CFAP54: variants seen among roughly 807,000 people sequenced by gnomAD.
The protein encoded by CFAP54 is cilia- and flagella-associated protein 54.
In CFAP54, 290 loss-of-function variants were observed where a neutral mutation model predicts 370.4. The ratio of observed to expected loss-of-function variants is 0.78; its 90% CI spans 0.71 to 0.86. CFAP54 has a LOEUF of 0.86. CFAP54 is among the 40% of genes least tolerant of loss of function. CFAP54 has a pLI of 0.00. For missense variants in CFAP54, 3,399 were observed against 3,528.7 expected, an observed-to-expected ratio of 0.96 and a Z score of 0.93; for synonymous variants, 1,206 against 1,236.5, an observed-to-expected ratio of 0.98 and a Z score of 0.52.
At chr12:96,858,397 T>C (rs1959774564) in intron 66 of CFAP54, among the ~76,000 whole-genome samples, 1 of 152,214 alleles carries the variant, frequency 6.6e-6, no homozygotes, top group Non-Finnish European at 1.5e-5. Flanking sequence ...ATATTAGAGA[T>C]TCATCAGATG....
At chr12:96,748,501 T>C (rs1958144493) in intron 55 of CFAP54, among the ~76,000 whole-genome samples, 1 of 152,204 alleles carries the variant, frequency 6.6e-6, no homozygotes, top group African/African-American at 2.4e-5. Context: ...AGGTTGTTGA[T>C]TGAATCCTTT....
At chr12:96,672,012 T>A (rs1266803249) in intron 39 of CFAP54, among the ~76,000 whole-genome samples, 1 of 149,906 alleles carries the variant, frequency 6.7e-6, no homozygotes, top group African/African-American at 2.5e-5. Flanking sequence ...AAGAAAGAAA[T>A]TGAATAGAGA....
At position 96,513,894 on chromosome 12, in the gene CFAP54, C is replaced by G. The variant is rs80128357; in HGVS notation, c.798+850C>G. On this transcript the variant is annotated intron_variant, in intron 5 of 67. Coordinates refer to ENST00000524981, the MANE Select transcript of CFAP54 (RefSeq NM_001306084.2). ...TGCATGCTAATCGGGTGAATGCACA[C>G]TTAAACTCTAACCCAGTTGCATGAC... 6.3e-3 allele frequency among the ~76,000 whole-genome samples: 967 copies of G among 152,316 alleles called. 9 individuals carry two copies. Among genetic ancestry groups the G allele is most frequent in the African/African-American group, 0.022 (929 of 41,564 alleles).
chr12:96,778,126 A>G (rs924087095), intron 60 of CFAP54, among the ~76,000 whole-genome samples: 10 of 152,232 alleles, frequency 6.6e-5, no homozygotes, highest in Admixed American at 1.3e-4. Flanking sequence ...TTATGTTTGC[A>G]GCTACATTTA....
chr12:96,611,675 T>C (rs1204284670), intron 26 of CFAP54, among the ~76,000 whole-genome samples: 4 of 152,030 alleles, frequency 2.6e-5, no homozygotes, highest in Non-Finnish European at 4.4e-5. Context: ...GAATAACCAG[T>C]GTAGAGAAGT....
intron 1 of CFAP54, among the ~76,000 whole-genome samples, chr12:96,498,896 TGTC>T (rs1954989994): frequency 6.6e-6 from 1 of 152,218 alleles, no homozygotes; most frequent in Admixed American, 6.5e-5. Context: ...AAAGGACTGT[TGTC>T]CAAAATATAC....
chr12:96,554,535 C>A, intron 16 of CFAP54, 141 bp from the exon 17 acceptor site: 1 of 1,074,202 alleles, frequency 9.3e-7, no homozygotes, highest in Non-Finnish European at 1.3e-6. Context: ...AGTGTTTAAG[C>A]AAACTGCAAA....
intron 67 of CFAP54, among the ~76,000 whole-genome samples, chr12:96,871,114 C>T (rs1960150793): frequency 6.6e-6 from 1 of 152,136 alleles, no homozygotes; most frequent in Admixed American, 6.5e-5. Flanking sequence ...AATCTGTGCA[C>T]AAATTCTCCT....
chr12:96,815,234 A>C (rs1958963553), intron 64 of CFAP54, among the ~76,000 whole-genome samples: 1 of 152,144 alleles, frequency 6.6e-6, no homozygotes, highest in Non-Finnish European at 1.5e-5. Flanking sequence ...TTGACTATTT[A>C]ATGATTGCCA....
At position 96,741,055 on chromosome 12, in the gene CFAP54, G is replaced by T. The variant is rs923029898; in HGVS notation, c.7071+994G>T. ...GAGCATTGAGTGATTAAGTTCTATT[G>T]ATGGACATTTTTTTCTGTATTGCTA... On this transcript the variant is annotated intron_variant, in intron 51 of 67. Transcript: ENST00000524981. 5.9e-5 allele frequency among the ~76,000 whole-genome samples: 9 copies of T among 152,150 alleles called. No homozygotes were observed. In the East Asian group the frequency reaches 1.5e-3, roughly 26 times the overall value.
At chr12:96,825,109 G>T (rs1034897612) in intron 65 of CFAP54, among the ~76,000 whole-genome samples, 2 of 148,954 alleles carry the variant, frequency 1.3e-5, no homozygotes, top group Admixed American at 1.4e-4. Context: ...TTTTTTCAAG[G>T]CTCAATTCTT....
chr12:96,507,217 A>C, intron 4 of CFAP54, 118 bp downstream of exon 4: 1 of 819,040 alleles, frequency 1.2e-6, no homozygotes, highest in South Asian at 2.6e-5. Flanking sequence ...TAATAGGATG[A>C]ATATATTTTT....
rs972569576 is a variant in CFAP54 at position 96,691,230 on chromosome 12, T to C, written c.6184T>C (p.Tyr2062His). The C allele has an allele frequency of 3.1e-6, 5 of 1,613,536 alleles. No homozygotes were observed. Among genetic ancestry groups the C allele is most frequent in the Non-Finnish European group, 1.7e-6 (2 of 1,179,704 alleles). Residue 2062 changes from tyrosine (Y) to histidine (H), a missense_variant, in exon 44 of 68, where the codon TAC (tyrosine) becomes CAC (histidine). Physicochemically the swap from Tyr to His is moderately conservative, Grantham distance 83. Around this residue, in one of 3 missense-constraint regions of CFAP54, gnomAD observed 2,796 missense variants for 2,869.7 expected, o/e 0.97. Coordinates refer to ENST00000524981, the MANE Select transcript of CFAP54 (RefSeq NM_001306084.2). ...LPGIELFSDR[Y>H]RADICSVIAS... The stretch of plus-strand genomic sequence containing the variant: ...AGGCATTGAACTCTTCTCAGATAGA[T>C]ACAGGGCTGACATTTGCTCTGTAAT...
At chr12:96,634,480 A>G (rs1002274478) in intron 32 of CFAP54, among the ~76,000 whole-genome samples, 3 of 152,060 alleles carry the variant, frequency 2.0e-5, no homozygotes, top group Admixed American at 6.6e-5. Flanking sequence ...AATTCTTTAT[A>G]TATTCTAGAT....
chr12:96,775,584 T>G (rs1053082169), intron 60 of CFAP54, among the ~76,000 whole-genome samples: 6 of 152,192 alleles, frequency 3.9e-5, no homozygotes, highest in African/African-American at 1.4e-4. Context: ...TGTGGCCAGA[T>G]TTTGCCCATG....
rs920892616 is a variant in CFAP54, at chr12:96,607,862, G to A, written c.3639+9095G>A. ...TGGAGCAACATTTGTAGAATCCTGA[G>A]GGAAAAAGACCGAGGTCCAAAAATT... is the stretch of plus-strand genomic sequence containing the variant. On this transcript the variant is annotated intron_variant, in intron 26 of 67. Coordinates refer to ENST00000524981, the MANE Select transcript of CFAP54 (RefSeq NM_001306084.2). Among the ~76,000 whole-genome samples the A allele has an allele frequency of 9.2e-5, 14 of 151,846 alleles. No homozygotes were observed. In the East Asian group the frequency reaches 2.7e-3, roughly 29 times the overall value.
chr12:96,615,754 A>G (rs890503715), intron 26 of CFAP54, among the ~76,000 whole-genome samples: 2 of 152,258 alleles, frequency 1.3e-5, no homozygotes, highest in African/African-American at 4.8e-5. Flanking sequence ...CAAAAGACAC[A>G]TGAAAAAATG....
chr12:96,523,999 G>A (rs375894199), intron 8 of CFAP54, among the ~76,000 whole-genome samples: 3 of 151,338 alleles, frequency 2.0e-5, no homozygotes, highest in South Asian at 2.1e-4. Flanking sequence ...TTTTTATAAC[G>A]TCATCCTATG....
In CFAP54 at chr12:96,802,343, G is replaced by C. The variant is rs908894656; in HGVS notation, c.8851-9393G>C. Among the ~76,000 whole-genome samples the C allele has an allele frequency of 7.2e-5, 11 of 152,198 alleles. 1 individual carries two copies. Among genetic ancestry groups the C allele is most frequent in the Admixed American group, 5.2e-4 (8 of 15,288 alleles). On this transcript the variant is annotated intron_variant, in intron 63 of 67. Transcript: ENST00000524981. ...GCACCATTTTGAGAGTTTAATGTTGGGCTATACCTTACTCTTGGGCCGAGT... is the reference window on the plus strand; with the variant it reads ...GCACCATTTTGAGAGTTTAATGTTGCGCTATACCTTACTCTTGGGCCGAGT...
Sources: allele counts gnomAD v4.1 joint callset (sites outside exome capture counted in the v4.1 genomes callset), GRCh38; gene constraint gnomAD v4.1.1; regional missense constraint gnomAD v4.1.1; transcripts MANE v1.5; gene names NCBI Gene and HGNC (gene_info 2026-07-23, HGNC 2026-07-21).